CDH13: variants seen among roughly 807,000 people sequenced by gnomAD.
CDH13 encodes cadherin-13.
Under a neutral mutation model 63.8 loss-of-function variants are expected in CDH13, and 24 were observed. The ratio of observed to expected loss-of-function variants is 0.38; its 90% CI spans 0.27 to 0.53. The LOEUF is 0.53. Among genes scored for constraint, CDH13 ranks in the 20% least tolerant of loss-of-function variants. The pLI, the probability that CDH13 is intolerant of heterozygous loss-of-function variation, is 0.85. For missense variants in CDH13, 1,049 were observed against 903.1 expected (o/e 1.16, Z -2.07); for synonymous variants, 503 against 355.3 (o/e 1.42, Z -4.67).
intron 11 of CDH13, among the ~76,000 whole-genome samples, chr16:83,751,359 C>T (rs1428367505): frequency 6.6e-6 from 1 of 152,104 alleles, no homozygotes; most frequent in Non-Finnish European, 1.5e-5. Context: ...CTTTGGGAGG[C>T]TGAGGTGGGC....
At position 83,077,186 on chromosome 16, in the gene CDH13, C is replaced by CTTTTTTTTTTTTT. The variant is rs34536219; in HGVS notation, c.366+44980_366+44992dup. ...TCTTTTCTTTTCTTTTTTTTCTTTT[C>CTTTTTTTTTTTTT]TTTTTTTTTTTTTTTTTTTTTTTTG... On this transcript the variant is annotated intron_variant, in intron 3 of 13. Coordinates refer to ENST00000567109, the MANE Select transcript of CDH13 (RefSeq NM_001257.5). Among the ~76,000 whole-genome samples, 316 of 59,228 alleles carry CTTTTTTTTTTTTT rather than the reference C, an allele frequency of 5.3e-3. 4 individuals are homozygous for CTTTTTTTTTTTTT. Among genetic ancestry groups the CTTTTTTTTTTTTT allele is most frequent in the Non-Finnish European group, 6.7e-3 (227 of 33,942 alleles). 38.9% of individuals were successfully genotyped at this position (59,228 alleles called of 152,430 possible).
At chr16:82,695,562 G>C (rs367547293) in intron 1 of CDH13, among the ~76,000 whole-genome samples, 1 of 152,186 alleles carries the variant, frequency 6.6e-6, no homozygotes, top group Non-Finnish European at 1.5e-5. Context: ...TGGAGTTGGA[G>C]TTAAGAACCA....
chr16:82,972,786 T>C (rs1567708526), intron 2 of CDH13, among the ~76,000 whole-genome samples: 4 of 152,120 alleles, frequency 2.6e-5, no homozygotes, highest in Non-Finnish European at 2.9e-5. Flanking sequence ...TTACAACCAC[T>C]GAGAAAGAGC....
chr16:83,603,780 T>A (rs1908073523), intron 8 of CDH13, among the ~76,000 whole-genome samples: 1 of 152,118 alleles, frequency 6.6e-6, no homozygotes, highest in Admixed American at 6.5e-5. Context: ...TACCTAAGAC[T>A]GGGTAATTTA....
intron 2 of CDH13, among the ~76,000 whole-genome samples, chr16:82,887,697 T>C (rs2040939545): frequency 6.6e-6 from 1 of 152,176 alleles, no homozygotes; most frequent in Non-Finnish European, 1.5e-5. Flanking sequence ...GGTGCACACC[T>C]GTAGTCCCAG....
chr16:82,655,348 G>T (rs941411812), intron 1 of CDH13, among the ~76,000 whole-genome samples: 2 of 152,150 alleles, frequency 1.3e-5, no homozygotes, highest in Non-Finnish European at 1.5e-5. Flanking sequence ...GGGGGTGAGG[G>T]GAGGTGTCCT....
chr16:83,009,576 A>G (rs1913905638), intron 2 of CDH13, among the ~76,000 whole-genome samples: 1 of 152,076 alleles, frequency 6.6e-6, no homozygotes, highest in South Asian at 2.1e-4. Flanking sequence ...GAGTAGCAGT[A>G]CTCTTTACAT....
At chr16:83,226,997 G>A (rs111317938) in intron 5 of CDH13, among the ~76,000 whole-genome samples, 14 of 152,208 alleles carry the variant, frequency 9.2e-5, no homozygotes, top group African/African-American at 3.1e-4. Flanking sequence ...GGAAGACAGA[G>A]GAGCGAAAGA....
intron 7 of CDH13, among the ~76,000 whole-genome samples, chr16:83,585,093 C>T (rs4346193): frequency 0.9 from 136,182 of 152,074 alleles, 62,013 homozygotes; most frequent in Non-Finnish European, 0.97. Context: ...CAGATGCTCC[C>T]GAGCCATGAC....
chr16:83,006,210 A>C, intron 2 of CDH13, among the ~76,000 whole-genome samples: 1 of 152,180 alleles, frequency 6.6e-6, no homozygotes, highest in East Asian at 1.9e-4. Flanking sequence ...TACATAAACA[A>C]AAAAGACCCA....
At chr16:82,948,366 G>T (rs989918771) in intron 2 of CDH13, among the ~76,000 whole-genome samples, 5 of 152,052 alleles carry the variant, frequency 3.3e-5, no homozygotes, top group African/African-American at 1.2e-4. Flanking sequence ...AGATTTTCTT[G>T]GAACATCAGC....
chr16:83,712,731 TACAG>T (rs1415085403), intron 10 of CDH13, among the ~76,000 whole-genome samples: 1 of 152,228 alleles, frequency 6.6e-6, no homozygotes, highest in African/African-American at 2.4e-5. Context: ...GTTTCAGTAT[TACAG>T]ACATTGTTTT....
intron 1 of CDH13, among the ~76,000 whole-genome samples, chr16:82,771,447 G>A (rs1238595945): frequency 1.3e-5 from 2 of 152,186 alleles, no homozygotes; most frequent in African/African-American, 2.4e-5. Context: ...CTGCTTGATA[G>A]CATTTGTAAA....
chr16:82,950,698 G>A (rs961472010), intron 2 of CDH13, among the ~76,000 whole-genome samples: 19 of 152,006 alleles, frequency 1.2e-4, no homozygotes, highest in African/African-American at 4.6e-4. Context: ...ACTAATACAG[G>A]ATACCAGTGA....
intron 2 of CDH13, among the ~76,000 whole-genome samples, chr16:82,992,005 T>C (rs931306675): frequency 6.6e-6 from 1 of 152,108 alleles, no homozygotes; most frequent in South Asian, 2.1e-4. Context: ...GGAAATAATT[T>C]CTAGCAAATT....
At chr16:83,702,829 C>T (rs1052064526) in intron 10 of CDH13, among the ~76,000 whole-genome samples, 1 of 152,184 alleles carries the variant, frequency 6.6e-6, no homozygotes, top group African/African-American at 2.4e-5. Context: ...AGAAAACTGG[C>T]CGCTTCAGGG....
intron 1 of CDH13, among the ~76,000 whole-genome samples, chr16:82,732,183 G>T (rs545135915): frequency 6.6e-6 from 1 of 152,148 alleles, no homozygotes; most frequent in Non-Finnish European, 1.5e-5. Flanking sequence ...TCCCCAGGTA[G>T]ATAGGTCCAT....
intron 7 of CDH13, among the ~76,000 whole-genome samples, chr16:83,527,113 A>G (rs1243541415): frequency 6.6e-6 from 1 of 150,604 alleles, no homozygotes; most frequent in African/African-American, 2.4e-5. Context: ...CCTGGGCAAC[A>G]GAGCAAGACT....
At chr16:83,752,673 C>G (rs1238217175) in intron 11 of CDH13, among the ~76,000 whole-genome samples, 3 of 152,314 alleles carry the variant, frequency 2.0e-5, no homozygotes, top group South Asian at 4.1e-4. Flanking sequence ...CAGCATACAC[C>G]TGTATGAACT....
Sources: allele counts gnomAD v4.1 joint callset (sites outside exome capture counted in the v4.1 genomes callset), GRCh38; gene constraint gnomAD v4.1.1; transcripts MANE v1.5; gene names NCBI Gene and HGNC (gene_info 2026-07-23, HGNC 2026-07-21).